Variants in TIAM1 observed in about 807,000 individuals in gnomAD.
TIAM1 encodes the protein rho guanine nucleotide exchange factor TIAM1.
Under a neutral mutation model 163.5 loss-of-function variants are expected in TIAM1, and 65 were observed. The ratio of observed to expected loss-of-function variants is 0.40; its 90% CI spans 0.33 to 0.49. TIAM1 has a LOEUF of 0.49. Among genes scored for constraint, TIAM1 ranks in the 20% least tolerant of loss-of-function variants. The pLI is 0.77. For missense variants in TIAM1, 1,789 were observed against 2,044.7 expected (o/e 0.87, Z 2.41); for synonymous variants, 833 against 810.1 (o/e 1.03, Z -0.48).
chr21:31,341,261 A>G (rs1016198213), intron 1 of TIAM1, among the ~76,000 whole-genome samples: 2 of 152,206 alleles, frequency 1.3e-5, no homozygotes, highest in Non-Finnish European at 2.9e-5. Flanking sequence ...TCCAGATCAC[A>G]TTTGGGGAAA....
At chr21:31,342,138 T>C (rs1197598523) in intron 1 of TIAM1, among the ~76,000 whole-genome samples, 1 of 151,938 alleles carries the variant, frequency 6.6e-6, no homozygotes, top group East Asian at 1.9e-4. Context: ...CTAGTATCTA[T>C]TAAACAAATT....
chr21:31,538,739 T>C (rs990890437), intron 1 of TIAM1, among the ~76,000 whole-genome samples: 3 of 152,224 alleles, frequency 2.0e-5, no homozygotes, highest in Non-Finnish European at 4.4e-5. Flanking sequence ...CGAAAGAGAT[T>C]TGGCCCCTTA....
intron 2 of TIAM1, among the ~76,000 whole-genome samples, chr21:31,442,974 A>G (rs2044490149): frequency 6.6e-6 from 1 of 152,230 alleles, no homozygotes; most frequent in Admixed American, 6.5e-5. Flanking sequence ...TCAATGAACT[A>G]GTGTATTAAA....
chr21:31,251,872 CAGCAGGATG>C lies in TIAM1; in HGVS notation c.1272_1280del (p.Asp424_Leu427delinsGlu). The C allele has an allele frequency of 6.2e-7, 1 of 1,613,894 alleles. No homozygotes were observed. Among genetic ancestry groups the C allele is most frequent in the East Asian group, 2.2e-5 (1 of 44,856 alleles). On this transcript the variant is annotated inframe_deletion, in exon 5 of 28. Coordinates refer to ENST00000541036, the MANE Select transcript of TIAM1 (RefSeq NM_001353694.2). ...TGCGCACCGTGCCCTGTGCGGCGGT[CAGCAGGATG>C]TCCGACTGGCCCGGAGAGCTCAGGG...
chr21:31,145,447 C>T (rs73191649), intron 20 of TIAM1, among the ~76,000 whole-genome samples: 13,620 of 152,212 alleles, frequency 0.089, 644 homozygotes, highest in Non-Finnish European at 0.098. Flanking sequence ...AAGCTGATTT[C>T]CAGAGATTCT....
chr21:31,120,790 G>C lies in TIAM1; in HGVS notation c.4354C>G (p.Arg1452Gly), dbSNP rs1202376550. The C allele has an allele frequency of 1.9e-6, 3 of 1,613,696 alleles. No homozygotes were observed. The highest frequency in any genetic ancestry group is 1.7e-5 in the Admixed American group (1 of 60,018). ...SLGRRRRRLA[R>G]NRFTIDSDAV... Reference sequence around the variant, plus strand: ...TCAGAATCAATGGTAAACCTGTTTCGAGCCAGCCGCCGCCTCCTCCTCCCA... The same window carrying C: ...TCAGAATCAATGGTAAACCTGTTTCCAGCCAGCCGCCGCCTCCTCCTCCCA... The change falls in exon 28 of 28, where the codon CGA becomes GGA. Residue 1452 changes from arginine to glycine, a missense_variant. This residue lies in a region of TIAM1 where 415 missense variants were observed against 439.2 expected (regional missense o/e 0.94). Transcript: ENST00000541036. This position sits in a 1 kb window ranked among gnomAD's most constrained non-coding sequence, Gnocchi z 4.2.
chr21:31,370,993 T>C (rs757564549), intron 2 of TIAM1, among the ~76,000 whole-genome samples: 3 of 152,102 alleles, frequency 2.0e-5, no homozygotes, highest in Admixed American at 6.5e-5. Flanking sequence ...TCCCAGGCTT[T>C]TCAGAGCAGC....
In TIAM1 at chr21:31,266,778, G is replaced by A; in HGVS notation, c.195C>T (p.Pro65=). 1.2e-6 allele frequency: 2 copies of A among 1,614,232 alleles called. No homozygotes were observed. Among genetic ancestry groups the A allele is most frequent in the South Asian group, 2.2e-5 (2 of 91,088 alleles). ...CCAGGCCATTTTCAGCCAGGGACTG[G>A]GGGATGCTGGGGGTGCTGCTGGATC... is the stretch of plus-strand genomic sequence containing the variant. The part of the protein sequence containing the change: ...STRSSSTPSI[P]QSLAENGLEP... Residue 65 remains proline, a synonymous_variant, in exon 4 of 28, where the codon CCC becomes CCT. Transcript: ENST00000541036.
chr21:31,428,221 C>T (rs2043869179), intron 2 of TIAM1, among the ~76,000 whole-genome samples: 1 of 152,152 alleles, frequency 6.6e-6, no homozygotes, highest in African/African-American at 2.4e-5. Flanking sequence ...CACCATTGCA[C>T]TCTAGCCTGG....
At chr21:31,438,573 A>C (rs980406301) in intron 2 of TIAM1, among the ~76,000 whole-genome samples, 1 of 152,128 alleles carries the variant, frequency 6.6e-6, no homozygotes, top group African/African-American at 2.4e-5. Context: ...AGATCTGTGC[A>C]CAAACGTACC....
intron 19 of TIAM1, among the ~76,000 whole-genome samples, chr21:31,149,638 A>G (rs2083289160): frequency 1.3e-5 from 2 of 152,202 alleles, no homozygotes; most frequent in African/African-American, 4.8e-5. Context: ...AATATAATGA[A>G]TGTTAGCTAC....
chr21:31,512,310 G>C (rs1038558640), intron 1 of TIAM1, among the ~76,000 whole-genome samples: 2 of 151,904 alleles, frequency 1.3e-5, no homozygotes, highest in African/African-American at 4.8e-5. Flanking sequence ...GTGTTGCCCA[G>C]GCTGGTCTCA....
intron 2 of TIAM1, among the ~76,000 whole-genome samples, chr21:31,435,421 A>C (rs112000079): frequency 2.1e-4 from 32 of 152,220 alleles, no homozygotes; most frequent in African/African-American, 7.0e-4. Context: ...ATTTTAATTA[A>C]TTCCAGGAAA....
intron 2 of TIAM1, among the ~76,000 whole-genome samples, chr21:31,328,736 G>A (rs2075576901): frequency 1.3e-5 from 2 of 151,748 alleles, no homozygotes; most frequent in African/African-American, 4.8e-5. Flanking sequence ...ACAGGCCCAG[G>A]TGTGTGATGC....
intron 1 of TIAM1, among the ~76,000 whole-genome samples, chr21:31,529,583 AC>A (rs1328312813): frequency 6.6e-6 from 1 of 152,132 alleles, no homozygotes; most frequent in African/African-American, 2.4e-5. Flanking sequence ...GGAGTTTAAG[AC>A]CTTGTGGGTC....
intron 1 of TIAM1, among the ~76,000 whole-genome samples, chr21:31,527,408 T>C (rs563038390): frequency 6.6e-6 from 1 of 152,192 alleles, no homozygotes; most frequent in Non-Finnish European, 1.5e-5. Context: ...GTTCTAAAAA[T>C]AGAGGGCCTG....
chr21:31,487,955 G>C (rs1295431274), intron 1 of TIAM1, among the ~76,000 whole-genome samples: 1 of 152,168 alleles, frequency 6.6e-6, no homozygotes, highest in African/African-American at 2.4e-5. Context: ...GCCTCCCAAA[G>C]TGCTAGGATT....
intron 2 of TIAM1, among the ~76,000 whole-genome samples, chr21:31,401,027 C>G (rs1289653876): frequency 1.3e-5 from 2 of 152,036 alleles, no homozygotes; most frequent in African/African-American, 4.8e-5. Context: ...GCCTGGGCTA[C>G]TCCAGCCTGG....
In TIAM1 at chr21:31,344,160, G is replaced by GT. The variant is rs2076099221; in HGVS notation, c.-392dup. 6.6e-6 allele frequency: 1 copy of GT among 152,204 alleles called. No homozygotes were observed. Among genetic ancestry groups the GT allele is most frequent in the African/African-American group, 2.4e-5 (1 of 41,424 alleles). 9.4% of individuals were successfully genotyped at this position (152,204 alleles called of 1,614,324 possible). A position where few individuals can be genotyped will look rare whatever the true frequency, so the allele number is the denominator to read the frequency against. On this transcript the variant is annotated 5_prime_UTR_variant, in exon 1 of 28. Coordinates refer to ENST00000541036, the MANE Select transcript of TIAM1 (RefSeq NM_001353694.2). ...CACCGCTGCTCAACAAGGCGCGCACGTTTCTCCCCGTCTGGCTTCACATGT... is the reference window on the plus strand; with the variant it reads ...CACCGCTGCTCAACAAGGCGCGCACGTTTTCTCCCCGTCTGGCTTCACATGT...
Sources: gnomAD v4.1 joint callset for allele counts (sites outside exome capture counted in the v4.1 genomes callset) on GRCh38, gnomAD v4.1.1 for gene constraint, gnomAD v4.1.1 regional missense constraint, Gnocchi (gnomAD v3.1) non-coding constraint, MANE v1.5 for transcripts, NCBI Gene and HGNC (gene_info 2026-07-23, HGNC 2026-07-21) for gene names.